The following VWDE variants were observed in gnomAD, a reference collection of about 807,000 sequenced individuals.
The protein encoded by VWDE is von Willebrand factor D and EGF domains.
In VWDE, 207 loss-of-function variants were observed where a neutral mutation model predicts 178.4. The ratio of observed to expected loss-of-function variants is 1.16; its 90% CI spans 1.04 to 1.30. The LOEUF is 1.30. VWDE is among the 50% of genes most tolerant of loss of function. VWDE has a pLI of 0.00. For missense variants in VWDE, 2,287 were observed against 1,901.3 expected, an observed-to-expected ratio of 1.20 and a Z score of -3.77; for synonymous variants, 738 against 651.4, an observed-to-expected ratio of 1.13 and a Z score of -2.02.
intron 2 of VWDE, among the ~76,000 whole-genome samples, chr7:12,390,384 C>T (rs1784328878): frequency 6.6e-6 from 1 of 151,876 alleles, no homozygotes; most frequent in Admixed American, 6.6e-5. Context: ...GTGGTACCCA[C>T]CTCAAAGTGC....
In VWDE at chr7:12,367,314, A is replaced by G; in HGVS notation, c.2898+43T>C. 2 of 1,427,786 alleles carry G rather than the reference A, an allele frequency of 1.4e-6. 1 individual carries two copies. The highest frequency in any genetic ancestry group is 2.9e-5 in the African/African-American group (2 of 68,082). The allele number at this position is 1,427,786 out of a possible 1,614,324, so 88.4% of individuals were successfully genotyped here. ...AATCCAAGATAATATTAATCTGAGT[A>G]TCTCATACACTCTATTGTTTCTGAA... On this transcript the variant is annotated intron_variant, in intron 13 of 28. Transcript: ENST00000275358.
chr7:12,389,327 C>T lies in VWDE; in HGVS notation c.275G>A (p.Trp92Ter). The change falls in exon 3 of 29, where the codon TGG (tryptophan) becomes TAG (stop). Residue 92 changes from tryptophan (W) to a stop codon, truncating the protein, a stop_gained. Transcript: ENST00000275358. LOFTEE classifies it high-confidence loss of function. Reference protein sequence around the residue: ...MNHCGTQAPIWLSLRDSETLP... With the variant: ...MNHCGTQAPI The stretch of plus-strand genomic sequence containing the variant: ...TGTTTCTGAATCTCTCAGAGACAGC[C>T]AGATGGGGGCCTGAGTTCCACAATG... The T allele has an allele frequency of 1.3e-6, 2 of 1,549,594 alleles. No individual in the cohort carries two copies. Among genetic ancestry groups the T allele is most frequent in the Non-Finnish European group, 1.7e-6 (2 of 1,145,252 alleles).
chr7:12,398,688 A>G (rs148828487), intron 1 of VWDE, among the ~76,000 whole-genome samples: 3 of 152,290 alleles, frequency 2.0e-5, no homozygotes, highest in Non-Finnish European at 4.4e-5. Context: ...AGTAATACAT[A>G]TACACCATGC....
chr7:12,340,033 A>G (rs1679693988), intron 24 of VWDE, among the ~76,000 whole-genome samples: 1 of 152,184 alleles, frequency 6.6e-6, no homozygotes, highest in African/African-American at 2.4e-5. Flanking sequence ...TCATTATAAC[A>G]GACTACAAGA....
chr7:12,383,420 C>A, intron 4 of VWDE, 116 bp downstream of exon 4: 1 of 829,962 alleles, frequency 1.2e-6, no homozygotes. Flanking sequence ...AGCTACCAGA[C>A]TTTGGTTATA....
At chr7:12,355,676 C>T (rs1011997676) in intron 18 of VWDE, among the ~76,000 whole-genome samples, 3 of 152,030 alleles carry the variant, frequency 2.0e-5, no homozygotes, top group Non-Finnish European at 2.9e-5. Flanking sequence ...AGTAAATATG[C>T]TAACATTTCA....
intron 1 of VWDE, among the ~76,000 whole-genome samples, chr7:12,396,081 C>T (rs1784609712): frequency 6.6e-6 from 1 of 152,090 alleles, no homozygotes; most frequent in Non-Finnish European, 1.5e-5. Context: ...ATAGAATTTA[C>T]AGTACTTGAA....
rs184532013 is a variant in VWDE at position 12,379,902 on chromosome 7, G to A, written c.790-336C>T. On this transcript the variant is annotated intron_variant, in intron 5 of 28. Transcript: ENST00000275358. Reference sequence around the variant, plus strand: ...GAGGTCAAGAAATCAAGACCATCTGGCCAACATTGTGAAACCCCGTCTCTA... The same window carrying A: ...GAGGTCAAGAAATCAAGACCATCTGACCAACATTGTGAAACCCCGTCTCTA... Among the ~76,000 whole-genome samples the A allele has an allele frequency of 2.4e-3, 368 of 152,136 alleles. 1 individual carries two copies. The highest frequency in any genetic ancestry group is 8.4e-3 in the African/African-American group (351 of 41,548).
At chr7:12,350,124 TGTTTTATTAAA>T (rs1434494385) in intron 19 of VWDE, among the ~76,000 whole-genome samples, 1 of 151,974 alleles carries the variant, frequency 6.6e-6, no homozygotes, top group East Asian at 1.9e-4. Context: ...GTATTATAAA[TGTTTTATTAAA>T]GTGGCATAAT....
At chr7:12,403,539 G>A in intron 1 of VWDE, 120 bp downstream of exon 1, 1 of 925,860 alleles carries the variant, frequency 1.1e-6, no homozygotes, top group Non-Finnish European at 1.6e-6. Flanking sequence ...AACAAACATC[G>A]CTTGCTGCCT....
chr7:12,374,719 G>A lies in VWDE; in HGVS notation c.1286C>T (p.Thr429Ile). The change falls in exon 9 of 29, where the codon ACT becomes ATT. Residue 429 changes from threonine to isoleucine, a missense_variant. Transcript: ENST00000275358. ...ATCAAATGTAATTATATGTGGGTCA[G>A]TAAATGTATAGCAGTAAGCAGTTGG... is the stretch of plus-strand genomic sequence containing the variant. ...DVPTAYCYTF[T>I]DPHIITFDGR... 1 of 1,539,754 alleles carries A rather than the reference G, an allele frequency of 6.5e-7. No homozygotes were observed. The highest frequency in any genetic ancestry group is 1.2e-5 in the South Asian group (1 of 80,756).
chr7:12,394,496 C>A (rs1326180942), intron 1 of VWDE, among the ~76,000 whole-genome samples: 1 of 152,072 alleles, frequency 6.6e-6, no homozygotes, highest in Non-Finnish European at 1.5e-5. Context: ...CTGGAAGATA[C>A]TTTTTCCATG....
rs372507120 is a variant in VWDE, at chr7:12,370,421, T to G, written c.1885A>C (p.Thr629Pro). The change falls in exon 12 of 29, where the codon ACT (threonine) becomes CCT (proline). Residue 629 changes from threonine (T) to proline (P), a missense_variant. Coordinates refer to ENST00000275358, the MANE Select transcript of VWDE (RefSeq NM_001135924.3). Reference protein sequence around the residue: ...KPSYCSCSLDTAAYPSSEDLD... With the variant: ...KPSYCSCSLDPAAYPSSEDLD... Reference sequence around the variant, plus strand: ...TCTTCGGAAGACGGATACGCTGCAGTGTCCAATGAACAGCTACAATAGGAT... The same window carrying G: ...TCTTCGGAAGACGGATACGCTGCAGGGTCCAATGAACAGCTACAATAGGAT... The G allele has an allele frequency of 1.0e-5, 16 of 1,546,288 alleles. No homozygotes were observed. The East Asian group carries it at 1.5e-4, about 14-fold the overall frequency.
chr7:12,356,358 T>C lies in VWDE; in HGVS notation c.3526-28A>G, dbSNP rs1354339351. On this transcript the variant is annotated intron_variant, in intron 17 of 28. Coordinates refer to ENST00000275358, the MANE Select transcript of VWDE (RefSeq NM_001135924.3). ...ACAAAACAAAAAAAAAGGAAATGTC[T>C]TATTTTTCAATAAAATTATCTTCAG... 6.5e-6 allele frequency: 10 copies of C among 1,526,762 alleles called. No homozygotes were observed. The Admixed American group carries it at 1.4e-4, about 21-fold the overall frequency. 94.6% of individuals were successfully genotyped at this position (1,526,762 alleles called of 1,614,324 possible).
At chr7:12,344,326 A>C in intron 20 of VWDE, 36 bp from the exon 21 acceptor site, 2 of 1,550,314 alleles carry the variant, frequency 1.3e-6, no homozygotes, top group Non-Finnish European at 1.7e-6. Flanking sequence ...AGACATATCA[A>C]TTACCAAATA....
At chr7:12,348,741 A>C (rs1307213796) in intron 19 of VWDE, among the ~76,000 whole-genome samples, 1 of 151,068 alleles carries the variant, frequency 6.6e-6, no homozygotes, top group African/African-American at 2.4e-5. Flanking sequence ...TACCCAAAGG[A>C]CTATAAATCA....
At chr7:12,378,733 C>T (rs1783675174) in intron 6 of VWDE, among the ~76,000 whole-genome samples, 1 of 152,132 alleles carries the variant, frequency 6.6e-6, no homozygotes, top group Non-Finnish European at 1.5e-5. Flanking sequence ...ACAAAGTGGT[C>T]CACTCTTCTC....
chr7:12,403,807 T>G lies in VWDE; in HGVS notation c.-91A>C. 7.4e-7 allele frequency: 1 copy of G among 1,345,330 alleles called. No individual in the cohort carries two copies. The highest frequency in any genetic ancestry group is 2.1e-5 in the Admixed American group (1 of 48,612). The allele number at this position is 1,345,330 out of a possible 1,614,324, so 83.3% of individuals were successfully genotyped here. On this transcript the variant is annotated 5_prime_UTR_variant, in exon 1 of 29. Transcript: ENST00000275358. ...GCCACAGCAGCCCCTCGGGCCTCCT[T>G]TCTTGGATTTTCTCAGTCTGTTGCT...
chr7:12,398,276 C>T (rs548087732), intron 1 of VWDE, among the ~76,000 whole-genome samples: 2 of 152,148 alleles, frequency 1.3e-5, no homozygotes, highest in East Asian at 3.9e-4. Context: ...ATTGACCCTC[C>T]CAGTCTTAAA....
Sources: gnomAD v4.1 joint callset for allele counts (sites outside exome capture counted in the v4.1 genomes callset) on GRCh38, gnomAD v4.1.1 for gene constraint, MANE v1.5 for transcripts, NCBI Gene and HGNC (gene_info 2026-07-23, HGNC 2026-07-21) for gene names.